Variants in RASGRF2 observed in about 807,000 individuals in gnomAD.
RASGRF2 encodes ras-specific guanine nucleotide-releasing factor 2.
Under a neutral mutation model 151.0 loss-of-function variants are expected in RASGRF2, and 76 were observed. That is an observed-to-expected ratio of 0.50 (90% CI 0.42 to 0.61). The LOEUF (loss-of-function observed/expected upper bound fraction) is 0.61. Among genes scored for constraint, RASGRF2 ranks in the 20% least tolerant of loss-of-function variants. RASGRF2 has a pLI of 0.00. For missense variants in RASGRF2, 1,148 were observed against 1,564.6 expected (o/e 0.73, Z 4.49); for synonymous variants, 504 against 566.5 (o/e 0.89, Z 1.57).
intron 17 of RASGRF2, among the ~76,000 whole-genome samples, chr5:81,142,089 C>T (rs1753897458): frequency 6.6e-6 from 1 of 152,102 alleles, no homozygotes; most frequent in Admixed American, 6.6e-5. Context: ...AGATTACAAG[C>T]TAAAATGTAA....
intron 1 of RASGRF2, among the ~76,000 whole-genome samples, chr5:80,996,546 C>G (rs1430589541): frequency 4.0e-3 from 138 of 34,674 alleles, no homozygotes; most frequent in East Asian, 0.011. Context: ...CCCTCCTCCT[C>G]CTCCCCCTCC....
At chr5:81,168,097 A>T (rs570215081) in intron 17 of RASGRF2, among the ~76,000 whole-genome samples, 1 of 151,996 alleles carries the variant, frequency 6.6e-6, no homozygotes, top group South Asian at 2.1e-4. Flanking sequence ...TCGCCAGCAC[A>T]CTACACTTGG....
chr5:81,073,482 G>T, intron 5 of RASGRF2, 30 bp downstream of exon 5: 1 of 1,583,964 alleles, frequency 6.3e-7, no homozygotes, highest in South Asian at 1.2e-5. Context: ...AAAGAGTTAT[G>T]AGAAAAACCC....
At chr5:80,999,791 T>G (rs1438925439) in intron 1 of RASGRF2, among the ~76,000 whole-genome samples, 2 of 152,222 alleles carry the variant, frequency 1.3e-5, no homozygotes, top group Non-Finnish European at 2.9e-5. Flanking sequence ...TTTTGTTTTG[T>G]TTTTTGTTTG....
At chr5:81,224,958 A>G (rs772926903) in intron 26 of RASGRF2, among the ~76,000 whole-genome samples, 23 of 152,194 alleles carry the variant, frequency 1.5e-4, no homozygotes, top group Non-Finnish European at 2.9e-4. Flanking sequence ...TGTAAGTTAC[A>G]TGGTGTATAC....
intron 26 of RASGRF2, among the ~76,000 whole-genome samples, chr5:81,221,295 T>C (rs894013092): frequency 6.6e-6 from 1 of 152,160 alleles, no homozygotes; most frequent in African/African-American, 2.4e-5. Flanking sequence ...GAGCGAAATA[T>C]CTACATAAAT....
intron 2 of RASGRF2, among the ~76,000 whole-genome samples, chr5:81,047,265 A>G (rs991029900): frequency 1.3e-5 from 2 of 152,208 alleles, no homozygotes; most frequent in Admixed American, 6.5e-5. Context: ...CGTGTGGGGT[A>G]TGAGAGAATG....
At chr5:81,152,200 T>C (rs1203516817) in intron 17 of RASGRF2, among the ~76,000 whole-genome samples, 1 of 151,996 alleles carries the variant, frequency 6.6e-6, no homozygotes, top group South Asian at 2.1e-4. Context: ...CGGGGATTCA[T>C]CATGTTGGCC....
intron 26 of RASGRF2, chr5:81,223,501 C>CGTG (rs1293126738): frequency 4.3e-4 from 65 of 152,342 alleles, no homozygotes; most frequent in African/African-American, 1.5e-3. Context: ...ATTAGCCGGG[C>CGTG]GTGGTGGCTG....
intron 18 of RASGRF2, among the ~76,000 whole-genome samples, chr5:81,189,959 G>A (rs1047550648): frequency 1.3e-5 from 2 of 151,486 alleles, no homozygotes; most frequent in African/African-American, 4.9e-5. Context: ...TGATCCACCC[G>A]CCTCAACTTT....
chr5:81,143,257 C>A (rs1333763685), intron 17 of RASGRF2, among the ~76,000 whole-genome samples: 6 of 151,984 alleles, frequency 3.9e-5, no homozygotes, highest in Non-Finnish European at 7.4e-5. Flanking sequence ...AGGCGATTCT[C>A]CTGACTCAGC....
intron 1 of RASGRF2, among the ~76,000 whole-genome samples, chr5:80,988,925 A>C (rs1237528745): frequency 2.0e-5 from 3 of 152,174 alleles, no homozygotes; most frequent in African/African-American, 7.2e-5. Flanking sequence ...TAAATTGCAG[A>C]CATTAAAAAA....
At chr5:81,012,294 T>C (rs1749488953) in intron 1 of RASGRF2, among the ~76,000 whole-genome samples, 1 of 152,216 alleles carries the variant, frequency 6.6e-6, no homozygotes, top group Non-Finnish European at 1.5e-5. Flanking sequence ...TTTTTTTTTC[T>C]GTGGAATTAA....
chr5:81,157,847 C>G (rs1354428764), intron 17 of RASGRF2, among the ~76,000 whole-genome samples: 1 of 152,168 alleles, frequency 6.6e-6, no homozygotes, highest in Admixed American at 6.5e-5. Flanking sequence ...CACTTATCTC[C>G]CACCAGGTCC....
rs113519981 is a variant in RASGRF2, at chr5:80,978,556, G to A, written c.288+17530G>A. 2.2e-3 allele frequency among the ~76,000 whole-genome samples: 340 copies of A among 152,312 alleles called. 3 individuals are homozygous for A. Among genetic ancestry groups the A allele is most frequent in the African/African-American group, 7.9e-3 (329 of 41,570 alleles). On this transcript the variant is annotated intron_variant, in intron 1 of 26. Coordinates refer to ENST00000265080, the MANE Select transcript of RASGRF2 (RefSeq NM_006909.3). ...AATTCCTGCACTTTGGGAGGCTGAG[G>A]TGGGCAGATCACCTGAGGTCAGGTG...
chr5:81,160,431 A>G (rs1170372651), intron 17 of RASGRF2, among the ~76,000 whole-genome samples: 1 of 151,448 alleles, frequency 6.6e-6, no homozygotes, highest in Non-Finnish European at 1.5e-5. Context: ...AAAAAATAAT[A>G]ATAGCTGAGG....
intron 15 of RASGRF2, among the ~76,000 whole-genome samples, chr5:81,119,008 A>C (rs1417803979): frequency 6.6e-6 from 1 of 152,168 alleles, no homozygotes; most frequent in Admixed American, 6.5e-5. Context: ...ATGACCACCT[A>C]AGTAATCTCT....
At position 81,035,913 on chromosome 5, in the gene RASGRF2, C is replaced by T. The variant is rs114721900; in HGVS notation, c.289-6964C>T. 3.8e-3 allele frequency among the ~76,000 whole-genome samples: 585 copies of T among 152,028 alleles called. 5 individuals are homozygous for T. The highest frequency in any genetic ancestry group is 0.013 in the African/African-American group (556 of 41,460). On this transcript the variant is annotated intron_variant, in intron 1 of 26. Coordinates refer to ENST00000265080, the MANE Select transcript of RASGRF2 (RefSeq NM_006909.3). ...AGCACTGAATTCAAGAAGCTAGAACCGCAGAACAAATATCCAAATAACAGA... is the reference window on the plus strand; with the variant it reads ...AGCACTGAATTCAAGAAGCTAGAACTGCAGAACAAATATCCAAATAACAGA...
chr5:81,129,547 G>A (rs1012649798), intron 17 of RASGRF2, among the ~76,000 whole-genome samples: 2 of 152,136 alleles, frequency 1.3e-5, no homozygotes, highest in Non-Finnish European at 2.9e-5. Flanking sequence ...CAGGCAAATT[G>A]GGATGTGCTT....
Sources: allele counts gnomAD v4.1 joint callset (sites outside exome capture counted in the v4.1 genomes callset), GRCh38; gene constraint gnomAD v4.1.1; transcripts MANE v1.5; gene names NCBI Gene and HGNC (gene_info 2026-07-23, HGNC 2026-07-21).